R3HDM2: variants seen among roughly 807,000 people sequenced by gnomAD.
The protein encoded by R3HDM2 is R3H domain-containing protein 2.
Under a neutral mutation model 124.5 loss-of-function variants are expected in R3HDM2, and 38 were observed. The observed-to-expected ratio is 0.31, with a 90% CI of 0.24 to 0.40. R3HDM2 has a LOEUF of 0.40. Ranked by LOEUF, R3HDM2 falls within the 10% of genes least tolerant of loss-of-function variation. The probability of loss-of-function intolerance (pLI) is 1.00; values close to 1 mark genes in which losing one functional copy is unlikely to be tolerated. For synonymous variants in R3HDM2, 391 were observed against 448.0 expected (o/e 0.87, Z 1.61); for missense variants, 869 against 1,236.9 (o/e 0.70, Z 4.46).
At chr12:57,262,188 C>CT (rs953560908) in intron 19 of R3HDM2, among the ~76,000 whole-genome samples, 21 of 152,136 alleles carry the variant, frequency 1.4e-4, no homozygotes, top group Non-Finnish European at 2.6e-4. Context: ...GGTATTTTTC[C>CT]TTTTTTTGGT....
intron 2 of R3HDM2, among the ~76,000 whole-genome samples, chr12:57,342,233 G>C (rs1236204866): frequency 6.6e-6 from 1 of 152,110 alleles, no homozygotes; most frequent in Non-Finnish European, 1.5e-5. Flanking sequence ...TCATTGTAAA[G>C]ATCTGTTCTG....
intron 1 of R3HDM2, among the ~76,000 whole-genome samples, chr12:57,404,064 ATT>A (rs767234283): frequency 1.3e-5 from 1 of 77,016 alleles, no homozygotes; most frequent in Non-Finnish European, 2.3e-5. Context: ...TCCACTCCTA[ATT>A]TTTTTTTTTT....
At chr12:57,281,525 G>A (rs75807552) in intron 13 of R3HDM2, among the ~76,000 whole-genome samples, 7 of 150,556 alleles carry the variant, frequency 4.6e-5, no homozygotes, top group East Asian at 2.0e-4. Context: ...TCACTCTGTC[G>A]CCCAGGCTGG....
At chr12:57,318,233 G>A (rs532259443) in intron 2 of R3HDM2, among the ~76,000 whole-genome samples, 3 of 151,850 alleles carry the variant, frequency 2.0e-5, no homozygotes, top group East Asian at 1.9e-4. Context: ...AGGAGGTTGC[G>A]GGCAACCGAG....
intron 19 of R3HDM2, 141 bp downstream of exon 19, chr12:57,266,590 G>GTTTTTT: frequency 1.5e-6 from 1 of 671,542 alleles, no homozygotes. Flanking sequence ...AGCTAAGACT[G>GTTTTTT]TTTTTTCTTT....
chr12:57,415,153 G>A (rs1372025544), intron 1 of R3HDM2: 1 of 151,994 alleles, frequency 6.6e-6, no homozygotes, highest in Non-Finnish European at 1.5e-5. Context: ...ATTGTAACTT[G>A]TTGAATTTTT....
chr12:57,255,202 T>A, intron 23 of R3HDM2, 89 bp from the exon 24 acceptor site: 1 of 1,076,352 alleles, frequency 9.3e-7, no homozygotes, highest in Non-Finnish European at 1.4e-6. Flanking sequence ...TCCAGCTGAC[T>A]AAGTCTGTAT....
intron 2 of R3HDM2, among the ~76,000 whole-genome samples, chr12:57,366,907 G>T (rs142672660): frequency 1.3e-5 from 2 of 151,914 alleles, no homozygotes. Context: ...ACCCAGGATG[G>T]TCTCGATCTG....
chr12:57,269,550 A>T (rs1054546523), intron 15 of R3HDM2, 101 bp from the exon 16 acceptor site: 102 of 1,503,090 alleles, frequency 6.8e-5, no homozygotes, highest in Non-Finnish European at 8.5e-5. Context: ...AGAAATATGT[A>T]AACGGAGATA....
At chr12:57,307,181 G>T (rs1444599338) in intron 3 of R3HDM2, among the ~76,000 whole-genome samples, 3 of 152,138 alleles carry the variant, frequency 2.0e-5, no homozygotes, top group African/African-American at 7.2e-5. Context: ...TGTAATGAAC[G>T]TCCCTTTTCC....
intron 9 of R3HDM2, chr12:57,295,729 G>A (rs1284233761): frequency 6.1e-6 from 3 of 494,136 alleles, no homozygotes; most frequent in Admixed American, 3.2e-5. Context: ...TGTCCTATCA[G>A]TGAAGTGAAG....
intron 14 of R3HDM2, among the ~76,000 whole-genome samples, chr12:57,277,932 A>G (rs914224716): frequency 2.4e-4 from 37 of 152,188 alleles, no homozygotes; most frequent in Admixed American, 2.4e-3. Flanking sequence ...GGAAAAAGAA[A>G]GCAAAAGAAA....
intron 2 of R3HDM2, among the ~76,000 whole-genome samples, chr12:57,371,083 CTTTTTTTTTT>C (rs775839017): frequency 1.1e-3 from 45 of 40,900 alleles, no homozygotes; most frequent in Admixed American, 7.9e-3. Context: ...TATACCATTA[CTTTTTTTTTT>C]TTTTTTTTTT....
chr12:57,290,184 T>C lies in R3HDM2; in HGVS notation c.907-1144A>G, dbSNP rs185004937. ...CATAATTAGCTCTAATACCCTATTATAAATTGTCTGTGCTTTCAGAACATC... is the reference window on the plus strand; with the variant it reads ...CATAATTAGCTCTAATACCCTATTACAAATTGTCTGTGCTTTCAGAACATC... On this transcript the variant is annotated intron_variant, in intron 11 of 23. Coordinates refer to ENST00000402412, the MANE Select transcript of R3HDM2 (RefSeq NM_001394031.1). Among the ~76,000 whole-genome samples, 4 of 152,372 alleles carry C rather than the reference T, an allele frequency of 2.6e-5. No individual in the cohort carries two copies. The East Asian group carries it at 7.7e-4, about 29-fold the overall frequency.
At chr12:57,329,407 T>C (rs1191068042) in intron 2 of R3HDM2, among the ~76,000 whole-genome samples, 2 of 152,364 alleles carry the variant, frequency 1.3e-5, no homozygotes, top group Middle Eastern at 3.4e-3. Flanking sequence ...TTACTAATTA[T>C]GTCACTGAGC....
chr12:57,318,446 C>T (rs879063061), intron 2 of R3HDM2, among the ~76,000 whole-genome samples: 3 of 151,724 alleles, frequency 2.0e-5, no homozygotes, highest in East Asian at 1.9e-4. Context: ...GTCAGGAGTT[C>T]GAGACCAGCC....
chr12:57,330,329 T>C (rs1474614182), intron 2 of R3HDM2, among the ~76,000 whole-genome samples: 1 of 151,778 alleles, frequency 6.6e-6, no homozygotes, highest in Non-Finnish European at 1.5e-5. Flanking sequence ...TATCCTTCTA[T>C]TTTGCTGAAT....
chr12:57,288,411 T>C (rs893942317), intron 12 of R3HDM2, among the ~76,000 whole-genome samples: 1 of 152,018 alleles, frequency 6.6e-6, no homozygotes, highest in African/African-American at 2.4e-5. Context: ...TATATATATG[T>C]ATTATTTTTT....
chr12:57,357,851 T>C (rs1258618457), intron 2 of R3HDM2, among the ~76,000 whole-genome samples: 4 of 152,146 alleles, frequency 2.6e-5, no homozygotes, highest in African/African-American at 7.2e-5. Flanking sequence ...TTCCATATCA[T>C]GTTCCCATTT....
Sources: gnomAD v4.1 joint callset for allele counts (sites outside exome capture counted in the v4.1 genomes callset) on GRCh38, gnomAD v4.1.1 for gene constraint, MANE v1.5 for transcripts, NCBI Gene and HGNC (gene_info 2026-07-23, HGNC 2026-07-21) for gene names.